IL6ST: variants seen among roughly 807,000 people sequenced by gnomAD.
IL6ST encodes the protein interleukin-6 receptor subunit beta.
Under a neutral mutation model 91.3 loss-of-function variants are expected in IL6ST, and 24 were observed. The ratio of observed to expected loss-of-function variants is 0.26; its 90% CI spans 0.19 to 0.37. The LOEUF (loss-of-function observed/expected upper bound fraction) is 0.37, where lower values mean the gene tolerates loss of function less well. IL6ST is among the 10% of genes least tolerant of loss of function. IL6ST has a pLI of 1.00. For missense variants in IL6ST, 914 were observed against 1,078.5 expected, an observed-to-expected ratio of 0.85 and a Z score of 2.14; for synonymous variants, 351 against 373.6, an observed-to-expected ratio of 0.94 and a Z score of 0.70.
chr5:55,952,311 A>G lies in IL6ST; in HGVS notation c.1491T>C (p.Thr497=), dbSNP rs1263065626. Residue 497 remains threonine (T), a synonymous_variant, in exon 12 of 17, where the codon ACT becomes ACC. Coordinates refer to ENST00000381298, the MANE Select transcript of IL6ST (RefSeq NM_002184.4). ...AESKCYLITV[T]PVYADGPGSP... is the part of the protein sequence containing the mutation. The stretch of plus-strand genomic sequence containing the variant: ...TTCCTGGTCCATCAGCATATACTGG[A>G]GTAACTGTTATCAAATAGCATTTGC... The G allele has an allele frequency of 6.2e-7, 1 of 1,605,838 alleles. No individual in the cohort carries two copies. Among genetic ancestry groups the G allele is most frequent in the Non-Finnish European group, 8.5e-7 (1 of 1,173,856 alleles).
rs750378785 is a variant in IL6ST, at chr5:55,954,816, A to T, written c.1444T>A (p.Leu482Ile). The T allele has an allele frequency of 1.4e-5, 22 of 1,604,042 alleles. No individual in the cohort carries two copies. The highest frequency in any genetic ancestry group is 1.9e-5 in the Non-Finnish European group (22 of 1,176,466). ...TGTTTCTAGCCAGGTATACCTCTTA[A>T]ATAGGTGCGATGCACGGTACCATCT... The part of the protein sequence containing the change: ...QEDGTVHRTY[L>I]RGNLAESKCY... Residue 482 changes from leucine to isoleucine, a missense_variant, in exon 11 of 17, where the codon TTA becomes ATA. Leu to Ile is a conservative substitution (Grantham distance 5). Coordinates refer to ENST00000381298, the MANE Select transcript of IL6ST (RefSeq NM_002184.4).
intron 14 of IL6ST, among the ~76,000 whole-genome samples, 189 bp downstream of exon 14, chr5:55,951,275 C>T (rs1414134427): frequency 6.6e-6 from 1 of 152,078 alleles, no homozygotes; most frequent in Non-Finnish European, 1.5e-5. Flanking sequence ...TAGTCAGAAG[C>T]AGTTAATAAA....
At chr5:55,946,096 T>C (rs1357663235) in intron 15 of IL6ST, among the ~76,000 whole-genome samples, 2 of 152,064 alleles carry the variant, frequency 1.3e-5, no homozygotes, top group African/African-American at 4.8e-5. Context: ...GTAAAAGATT[T>C]CAATAGACAC....
At chr5:55,946,815 C>CAA (rs34769064) in intron 15 of IL6ST, among the ~76,000 whole-genome samples, 4 of 116,552 alleles carry the variant, frequency 3.4e-5, no homozygotes, top group African/African-American at 1.2e-4. Flanking sequence ...GACTCCATCT[C>CAA]AAAAAAAAAA....
At position 55,978,818 on chromosome 5, in the gene IL6ST, T is replaced by TA. The variant is rs920190684; in HGVS notation, c.-15-2526dup. The stretch of plus-strand genomic sequence containing the variant: ...CATGGGTTTCCTATCAAGTTGTAAC[T>TA]AAAAAATGGTGAATTTTATTGTTTA... On this transcript the variant is annotated intron_variant, in intron 2 of 16. Coordinates refer to ENST00000381298, the MANE Select transcript of IL6ST (RefSeq NM_002184.4). 5.3e-5 allele frequency among the ~76,000 whole-genome samples: 8 copies of TA among 149,580 alleles called. No homozygotes were observed. In the Admixed American group the frequency reaches 5.4e-4, roughly 10 times the overall value.
chr5:55,964,741 G>A (rs927247928), intron 5 of IL6ST, among the ~76,000 whole-genome samples: 3 of 152,010 alleles, frequency 2.0e-5, no homozygotes, highest in Non-Finnish European at 4.4e-5. Flanking sequence ...TAGTCTTAGG[G>A]CTAAAATCTC....
intron 1 of IL6ST, among the ~76,000 whole-genome samples, chr5:55,985,602 T>C (rs1284279875): frequency 6.6e-6 from 1 of 152,066 alleles, no homozygotes; most frequent in East Asian, 1.9e-4. Flanking sequence ...GTCATTTAGG[T>C]CTCAGTTATT....
chr5:55,966,698 G>T (rs887276761), intron 5 of IL6ST, among the ~76,000 whole-genome samples: 2 of 152,106 alleles, frequency 1.3e-5, no homozygotes, highest in Non-Finnish European at 2.9e-5. Context: ...AGGATGCATA[G>T]ATAAATAGGT....
intron 2 of IL6ST, among the ~76,000 whole-genome samples, chr5:55,980,238 AT>A (rs1753574466): frequency 6.6e-6 from 1 of 152,182 alleles, no homozygotes; most frequent in Non-Finnish European, 1.5e-5. Context: ...TATGCAAAAA[AT>A]AAATTTAAAT....
intron 2 of IL6ST, among the ~76,000 whole-genome samples, chr5:55,977,499 C>G (rs1242882974): frequency 2.6e-5 from 4 of 152,084 alleles, no homozygotes; most frequent in Non-Finnish European, 2.9e-5. Context: ...GATAAAAATA[C>G]TCTATGACTT....
Position 55,940,611 on chromosome 5 carries a change from CT to C in IL6ST, c.*470del. The C allele has an allele frequency of 4.6e-6, 1 of 216,562 alleles. No homozygotes were observed. The highest frequency in any genetic ancestry group is 9.3e-6 in the Non-Finnish European group (1 of 107,622). The allele number at this position is 216,562 out of a possible 1,614,324, so 13.4% of individuals were successfully genotyped here. On this transcript the variant is annotated 3_prime_UTR_variant, in exon 17 of 17. Coordinates refer to ENST00000381298, the MANE Select transcript of IL6ST (RefSeq NM_002184.4). ...TCATGTAGTTATGGCCTATGGACCT[CT>C]TTTTAAGTTATTTTAGCAGAAGTAG...
chr5:55,988,427 A>G (rs1282255152), intron 1 of IL6ST, among the ~76,000 whole-genome samples: 2 of 152,214 alleles, frequency 1.3e-5, no homozygotes, highest in Non-Finnish European at 2.9e-5. Context: ...AAAAAATAAT[A>G]GGACTATTTA....
At chr5:55,962,550 T>A (rs887511848) in intron 7 of IL6ST, among the ~76,000 whole-genome samples, 2 of 152,214 alleles carry the variant, frequency 1.3e-5, no homozygotes, top group Non-Finnish European at 2.9e-5. Flanking sequence ...AAAAGGTAGA[T>A]AAAATATTTA....
chr5:55,942,584 C>A, intron 16 of IL6ST, 86 bp downstream of exon 16: 1 of 661,374 alleles, frequency 1.5e-6, no homozygotes, highest in Non-Finnish European at 2.7e-6. Flanking sequence ...TTTGTAGATA[C>A]TCAATATACC....
intron 3 of IL6ST, among the ~76,000 whole-genome samples, chr5:55,971,656 C>CA (rs1029898256): frequency 7.2e-5 from 11 of 151,792 alleles, no homozygotes; most frequent in South Asian, 2.1e-4. Flanking sequence ...CCCATCTCTA[C>CA]AAAAAAAATA....
At chr5:55,955,050 T>C in intron 10 of IL6ST, 58 bp from the exon 11 acceptor site, 13 of 1,194,132 alleles carry the variant, frequency 1.1e-5, no homozygotes, top group African/African-American at 1.6e-5. Flanking sequence ...GAAATTTCCA[T>C]ATTTTACAGT....
In IL6ST at chr5:55,935,543, G is replaced by C. The variant is rs1457433382; in HGVS notation, c.*5539C>G. The C allele has an allele frequency of 9.2e-6, 2 of 216,716 alleles. No homozygotes were observed. Among genetic ancestry groups the C allele is most frequent in the Non-Finnish European group, 1.9e-5 (2 of 107,758 alleles). The allele number at this position is 216,716 out of a possible 1,614,324, so 13.4% of individuals were successfully genotyped here. On this transcript the variant is annotated 3_prime_UTR_variant, in exon 17 of 17. Coordinates refer to ENST00000381298, the MANE Select transcript of IL6ST (RefSeq NM_002184.4). ...ACTAAGTTGTCCAAGAGCCAACCCC[G>C]ATCAGCAGCAACAGGACTCAAGCTG...
intron 1 of IL6ST, among the ~76,000 whole-genome samples, chr5:55,988,587 A>T (rs750172161): frequency 1.3e-5 from 2 of 150,856 alleles, no homozygotes; most frequent in Non-Finnish European, 3.0e-5. Flanking sequence ...ACCAACATAG[A>T]GAAACCCTGT....
At position 55,969,618 on chromosome 5, in the gene IL6ST, A is replaced by T; in HGVS notation, c.302T>A (p.Leu101His). The T allele has an allele frequency of 6.2e-7, 1 of 1,613,180 alleles. No homozygotes were observed. Among genetic ancestry groups the T allele is most frequent in the African/African-American group, 1.3e-5 (1 of 75,024 alleles). Residue 101 changes from leucine to histidine, a missense_variant, in exon 4 of 17, where the codon CTC becomes CAC. Coordinates refer to ENST00000381298, the MANE Select transcript of IL6ST (RefSeq NM_002184.4). The part of the protein sequence containing the change: ...FTDIASLNIQ[L>H]TCNILTFGQL... ...TCCGAATGTAAGAATGTTGCAAGTG[A>T]GCTGAATATTTAATGAAGCTATATC...
Sources: allele counts gnomAD v4.1 joint callset (sites outside exome capture counted in the v4.1 genomes callset), GRCh38; gene constraint gnomAD v4.1.1; transcripts MANE v1.5; gene names NCBI Gene and HGNC (gene_info 2026-07-23, HGNC 2026-07-21).